Variants in DLEC1 observed in about 807,000 individuals in gnomAD.
DLEC1 encodes DLEC1 cilia and flagella associated protein.
In DLEC1, 146 loss-of-function variants were observed where a neutral mutation model predicts 198.1. The observed-to-expected ratio is 0.74, with a 90% CI of 0.64 to 0.85. The LOEUF (loss-of-function observed/expected upper bound fraction) is 0.85, where lower values mean the gene tolerates loss of function less well. Ranked by LOEUF, DLEC1 falls within the 40% of genes least tolerant of loss-of-function variation. The probability of loss-of-function intolerance (pLI) is 0.00; values close to 1 mark genes in which losing one functional copy is unlikely to be tolerated. For missense variants in DLEC1, 2,233 were observed against 2,220.0 expected (o/e 1.01, Z -0.12); for synonymous variants, 897 against 866.8 (o/e 1.03, Z -0.61).
chr3:38,123,342 G>T lies in DLEC1; in HGVS notation c.*930G>T. 1 of 561,514 alleles carries T rather than the reference G, an allele frequency of 1.8e-6. No individual in the cohort carries two copies. The highest frequency in any genetic ancestry group is 2.2e-5 in the South Asian group (1 of 46,338). 34.8% of individuals were successfully genotyped at this position (561,514 alleles called of 1,614,324 possible). A position where few individuals can be genotyped will look rare whatever the true frequency, so the allele number is the denominator to read the frequency against. Reference sequence around the variant, plus strand: ...AAGGCTGGCCCTTAAGGAAAACAGGGATCATGCCCCTACATCCTAAGTTCA... The same window carrying T: ...AAGGCTGGCCCTTAAGGAAAACAGGTATCATGCCCCTACATCCTAAGTTCA... On this transcript the variant is annotated 3_prime_UTR_variant, in exon 37 of 37. Transcript: ENST00000308059.
rs1416683266 is a variant in DLEC1, at chr3:38,116,491, A to G, written c.3895A>G (p.Lys1299Glu). The G allele has an allele frequency of 1.2e-6, 2 of 1,614,090 alleles. No homozygotes were observed. The highest frequency in any genetic ancestry group is 1.7e-6 in the Non-Finnish European group (2 of 1,179,980). ...TTGGGAGACCTATGTTCCAGAAGACAAGGAAGACCGGCTGGTGGAGCTGCT... is the reference window on the plus strand; with the variant it reads ...TTGGGAGACCTATGTTCCAGAAGACGAGGAAGACCGGCTGGTGGAGCTGCT... Reference protein sequence around the residue: ...LDWETYVPEDKEDRLVELLVF... With the variant: ...LDWETYVPEDEEDRLVELLVF... The change falls in exon 28 of 37, where the codon AAG (lysine) becomes GAG (glutamate). Residue 1299 changes from lysine to glutamate, a missense_variant. By Grantham distance (56) the Lys-to-Glu change is moderately conservative. Transcript: ENST00000308059.
intron 2 of DLEC1, among the ~76,000 whole-genome samples, chr3:38,046,696 G>T (rs1001582861): frequency 1.3e-5 from 2 of 152,040 alleles, no homozygotes; most frequent in African/African-American, 2.4e-5. Flanking sequence ...CATTTGTCAG[G>T]GTTTTTTAAC....
intron 33 of DLEC1, among the ~76,000 whole-genome samples, chr3:38,118,371 A>G (rs1340296761): frequency 6.6e-6 from 1 of 152,024 alleles, no homozygotes; most frequent in African/African-American, 2.4e-5. Context: ...CTTCCCACAC[A>G]CACAGACTCC....
intron 6 of DLEC1, among the ~76,000 whole-genome samples, chr3:38,076,383 AAG>A (rs1356417672): frequency 3.3e-5 from 5 of 152,158 alleles, no homozygotes; most frequent in African/African-American, 7.2e-5. Flanking sequence ...TGAGTCTGAA[AAG>A]AGAGTCAGTG....
In DLEC1 at chr3:38,084,582, G is replaced by GTGGTAGTAGT. The variant is rs1559430939; in HGVS notation, c.1261+337_1261+338insTGGTAGTAGT. 1.4e-3 allele frequency among the ~76,000 whole-genome samples: 4 copies of GTGGTAGTAGT among 2,830 alleles called. No homozygotes were observed. The Admixed American group carries it at 0.015, about 10-fold the overall frequency. The allele number at this position is 2,830 out of a possible 152,430, so 1.9% of individuals were successfully genotyped here. A position where few individuals can be genotyped will look rare whatever the true frequency, so the allele number is the denominator to read the frequency against. ...AGTAGTGGTAGTAGTAGTAGTGGGGGGGTGGTAGTAGTAGTAGTAGCAGTA... is the reference window on the plus strand; with the variant it reads ...AGTAGTGGTAGTAGTAGTAGTGGGGGTGGTAGTAGTGGTGGTAGTAGTAGTAGTAGCAGTA... On this transcript the variant is annotated intron_variant, in intron 7 of 36. Transcript: ENST00000308059.
chr3:38,040,051 C>G (rs1433673942), intron 1 of DLEC1, among the ~76,000 whole-genome samples: 1 of 152,078 alleles, frequency 6.6e-6, no homozygotes, highest in Non-Finnish European at 1.5e-5. Context: ...GGAAGCGTGT[C>G]TAGCCTCTAG....
intron 2 of DLEC1, among the ~76,000 whole-genome samples, chr3:38,046,080 A>T (rs1700874108): frequency 6.6e-6 from 1 of 152,232 alleles, no homozygotes; most frequent in South Asian, 2.1e-4. Context: ...GAGGTAAAGG[A>T]AGACAAAGGT....
intron 6 of DLEC1, among the ~76,000 whole-genome samples, chr3:38,073,571 G>A (rs1036623427): frequency 6.6e-6 from 1 of 152,100 alleles, no homozygotes; most frequent in Non-Finnish European, 1.5e-5. Flanking sequence ...GAGAAGAGCG[G>A]CAATGAGATG....
Position 38,108,407 on chromosome 3 carries a change from C to T in DLEC1, c.3021C>T (p.Leu1007=). 6.2e-7 allele frequency: 1 copy of T among 1,613,800 alleles called. No homozygotes were observed. Among genetic ancestry groups the T allele is most frequent in the Non-Finnish European group, 8.5e-7 (1 of 1,179,824 alleles). ...LLPTQFHWGK[L]LGHQAEFCMV... ...AGGCTCACTCATGTGTCTGCCAGCT[C>T]CTCGGACACCAAGCAGAATTCTGCA... Residue 1007 remains leucine (L), a splice_region_variant and synonymous_variant, in exon 21 of 37, where the codon CTC becomes CTT. Coordinates refer to ENST00000308059, the MANE Select transcript of DLEC1 (RefSeq NM_007335.4).
intron 2 of DLEC1, among the ~76,000 whole-genome samples, chr3:38,057,117 G>T (rs1696412715): frequency 6.6e-6 from 1 of 152,230 alleles, no homozygotes; most frequent in African/African-American, 2.4e-5. Flanking sequence ...AGACAGCTCA[G>T]GGGTGCATCA....
At chr3:38,057,712 C>T (rs1696448873) in intron 2 of DLEC1, among the ~76,000 whole-genome samples, 1 of 152,108 alleles carries the variant, frequency 6.6e-6, no homozygotes, top group African/African-American at 2.4e-5. Context: ...AGTGATTTCC[C>T]CAGCTGGGGA....
chr3:38,044,791 A>C (rs980897730), intron 1 of DLEC1, among the ~76,000 whole-genome samples: 15 of 152,200 alleles, frequency 9.9e-5, no homozygotes, highest in Admixed American at 3.9e-4. Context: ...AATATGGATC[A>C]GAAGTTTGGC....
intron 19 of DLEC1, 84 bp from the exon 20 acceptor site, chr3:38,107,500 C>T: frequency 7.4e-7 from 1 of 1,357,492 alleles, no homozygotes; most frequent in Non-Finnish European, 9.8e-7. Context: ...GGATTTTCTA[C>T]ATAGACTGCA....
rs2125760890 is a variant in DLEC1 at position 38,123,406 on chromosome 3, A to C, written c.*994A>C. On this transcript the variant is annotated 3_prime_UTR_variant, in exon 37 of 37. Transcript: ENST00000308059. ...TGCATGTTCCCCTCCCCAGGGATCG[A>C]TCATAATCCCAAAAGACACAATCCC... 2.7e-6 allele frequency: 1 copy of C among 364,302 alleles called. No homozygotes were observed. The highest frequency in any genetic ancestry group is 5.0e-6 in the Non-Finnish European group (1 of 199,738). 22.6% of individuals were successfully genotyped at this position (364,302 alleles called of 1,614,324 possible).
chr3:38,120,919 C>T (rs1271860956), intron 34 of DLEC1, among the ~76,000 whole-genome samples: 1 of 152,244 alleles, frequency 6.6e-6, no homozygotes, highest in African/African-American at 2.4e-5. Context: ...CGTTGACAGC[C>T]AGGCCAAAAG....
At chr3:38,065,326 TGCAGAG>T (rs1466468937) in intron 6 of DLEC1, among the ~76,000 whole-genome samples, 1 of 143,558 alleles carries the variant, frequency 7.0e-6, no homozygotes, top group Non-Finnish European at 1.5e-5. Context: ...AGGGAGACCG[TGCAGAG>T]GGAGAGGGAG....
intron 2 of DLEC1, chr3:38,052,350 G>A: frequency 2.9e-6 from 1 of 339,980 alleles, no homozygotes; most frequent in Admixed American, 3.3e-5. Flanking sequence ...TTCTCTATGA[G>A]AATGACTGCA....
chr3:38,064,197 G>A lies in DLEC1; in HGVS notation c.1173+278G>A, dbSNP rs546043779. Among the ~76,000 whole-genome samples the A allele has an allele frequency of 2.6e-3, 393 of 151,630 alleles. 1 individual carries two copies. The highest frequency in any genetic ancestry group is 9.0e-3 in the African/African-American group (370 of 41,330). Reference sequence around the variant, plus strand: ...TTGTGTCCCTGGGTACTTGAGATTAGGGAGTGGTGATGACTCTTAACGAGC... The same window carrying A: ...TTGTGTCCCTGGGTACTTGAGATTAAGGAGTGGTGATGACTCTTAACGAGC... On this transcript the variant is annotated intron_variant, in intron 6 of 36. Transcript: ENST00000308059.
At chr3:38,117,352 C>T (rs1453621457) in intron 31 of DLEC1, 50 bp downstream of exon 31, 1 of 1,607,232 alleles carries the variant, frequency 6.2e-7, no homozygotes, top group Non-Finnish European at 8.5e-7. Flanking sequence ...GGGGTGCACC[C>T]TCACCAGGCA....
Sources: allele counts gnomAD v4.1 joint callset (sites outside exome capture counted in the v4.1 genomes callset), GRCh38; gene constraint gnomAD v4.1.1; transcripts MANE v1.5; gene names NCBI Gene and HGNC (gene_info 2026-07-23, HGNC 2026-07-21).